Variants in PPTC7 observed in about 807,000 individuals in gnomAD.
The protein encoded by PPTC7 is protein phosphatase targeting COQ7, also known as protein phosphatase PTC7 homolog.
A neutral mutation model predicts 30.8 loss-of-function variants in PPTC7; 6 were observed. The ratio of observed to expected loss-of-function variants is 0.19; its 90% confidence interval spans 0.11 to 0.38. PPTC7 has a LOEUF of 0.38. PPTC7 is among the 10% of genes least tolerant of loss of function. The pLI is 1.00. For synonymous variants in PPTC7, 163 were observed against 168.1 expected (o/e 0.97, Z 0.23); for missense variants, 218 against 404.8 (o/e 0.54, Z 3.96).
intron 1 of PPTC7, among the ~76,000 whole-genome samples, chr12:110,561,446 TG>T (rs1299910422): frequency 6.6e-6 from 1 of 152,104 alleles, no homozygotes; most frequent in African/African-American, 2.4e-5. Flanking sequence ...CCCGAGTAGC[TG>T]GTATTACAGG....
intron 1 of PPTC7, among the ~76,000 whole-genome samples, chr12:110,562,737 G>T (rs1175239968): frequency 1.3e-5 from 2 of 151,874 alleles, no homozygotes; most frequent in African/African-American, 2.4e-5. Context: ...AGGTTGCAGT[G>T]AGCTGTGATT....
chr12:110,562,528 TC>T (rs1435667640), intron 1 of PPTC7, among the ~76,000 whole-genome samples: 1 of 152,082 alleles, frequency 6.6e-6, no homozygotes, highest in African/African-American at 2.4e-5. Flanking sequence ...GTGCAGTGGC[TC>T]ACACCTATAA....
At position 110,551,946 on chromosome 12, in the gene PPTC7, G is replaced by A; in HGVS notation, c.246C>T (p.Gly82=). ...ATGGATCAACTCCATAGTCTCTCCAGCCTCCTACACCATCTGCAACCCCTG... is the reference window on the plus strand; with the variant it reads ...ATGGATCAACTCCATAGTCTCTCCAACCTCCTACACCATCTGCAACCCCTG... ...DVLGVADGVG[G]WRDYGVDPSQ... The change falls in exon 2 of 6, where the codon GGC becomes GGT. Residue 82 remains glycine, a synonymous_variant. Transcript: ENST00000354300. 6.2e-7 allele frequency: 1 copy of A among 1,613,942 alleles called. No individual in the cohort carries two copies. The highest frequency in any genetic ancestry group is 1.3e-5 in the African/African-American group (1 of 75,002).
chr12:110,559,308 G>A (rs955228399), intron 1 of PPTC7, among the ~76,000 whole-genome samples: 1 of 151,980 alleles, frequency 6.6e-6, no homozygotes, highest in African/African-American at 2.4e-5. Context: ...GGGATTACAA[G>A]CACAAATCAC....
At chr12:110,553,440 G>A (rs919226328) in intron 1 of PPTC7, among the ~76,000 whole-genome samples, 4 of 151,704 alleles carry the variant, frequency 2.6e-5, no homozygotes, top group East Asian at 2.0e-4. Context: ...CACTGCGCCC[G>A]GCCCCCAAAA....
intron 1 of PPTC7, among the ~76,000 whole-genome samples, chr12:110,556,429 C>A (rs2064387716): frequency 6.6e-6 from 1 of 152,136 alleles, no homozygotes; most frequent in African/African-American, 2.4e-5. Flanking sequence ...ACATATGAAA[C>A]CTAATTTTAT....
intron 5 of PPTC7, 26 bp from the exon 6 acceptor site, chr12:110,537,121 G>C: frequency 6.4e-7 from 1 of 1,558,160 alleles, no homozygotes; most frequent in South Asian, 1.1e-5. Flanking sequence ...GAACCTATCA[G>C]TATATTTTAA....
chr12:110,578,506 T>C (rs1193655631), intron 1 of PPTC7, among the ~76,000 whole-genome samples: 1 of 152,202 alleles, frequency 6.6e-6, no homozygotes, highest in Non-Finnish European at 1.5e-5. Flanking sequence ...GTGGGGACTA[T>C]ACAAAATGTT....
chr12:110,559,730 GAAAAAAAAA>G (rs770672237), intron 1 of PPTC7, among the ~76,000 whole-genome samples: 2 of 89,684 alleles, frequency 2.2e-5, no homozygotes, highest in Non-Finnish European at 4.6e-5. Flanking sequence ...AGCCTCAGGG[GAAAAAAAAA>G]AAAAAAAAAA....
chr12:110,559,411 A>AT (rs1478341532), intron 1 of PPTC7, among the ~76,000 whole-genome samples: 2 of 149,632 alleles, frequency 1.3e-5, no homozygotes, highest in Non-Finnish European at 3.0e-5. Flanking sequence ...AGAAGAAAAA[A>AT]ATTTTTTTTT....
chr12:110,551,439 G>A (rs1223344008), intron 2 of PPTC7, among the ~76,000 whole-genome samples: 5 of 152,060 alleles, frequency 3.3e-5, no homozygotes, highest in Admixed American at 6.5e-5. Flanking sequence ...TCCACCTCCC[G>A]GGGTTCAAGT....
chr12:110,564,956 C>T (rs2064470536), intron 1 of PPTC7, among the ~76,000 whole-genome samples: 1 of 149,978 alleles, frequency 6.7e-6, no homozygotes, highest in Admixed American at 6.6e-5. Context: ...CTCACTGCAA[C>T]CTCCACCTCC....
intron 4 of PPTC7, among the ~76,000 whole-genome samples, chr12:110,539,159 T>C (rs2064238654): frequency 6.6e-6 from 1 of 152,162 alleles, no homozygotes. Context: ...TGCAACCCTA[T>C]AAAAGAGGAT....
At chr12:110,566,033 A>G (rs951244036) in intron 1 of PPTC7, among the ~76,000 whole-genome samples, 3 of 152,186 alleles carry the variant, frequency 2.0e-5, no homozygotes, top group African/African-American at 7.2e-5. Context: ...AATAAAGTAC[A>G]AGTCATAGCA....
chr12:110,567,320 T>C (rs534750913), intron 1 of PPTC7, among the ~76,000 whole-genome samples: 1 of 152,338 alleles, frequency 6.6e-6, no homozygotes, highest in African/African-American at 2.4e-5. Flanking sequence ...CAGGCGATTC[T>C]AATGAGAATC....
chr12:110,582,214 A>T (rs2064643225), intron 1 of PPTC7, among the ~76,000 whole-genome samples: 1 of 152,244 alleles, frequency 6.6e-6, no homozygotes, highest in African/African-American at 2.4e-5. Flanking sequence ...GACAAGATCA[A>T]TTTGGGAGAA....
intron 1 of PPTC7, among the ~76,000 whole-genome samples, chr12:110,558,796 C>T (rs1159830030): frequency 2.0e-5 from 3 of 152,034 alleles, no homozygotes; most frequent in African/African-American, 7.2e-5. Context: ...TTAGTAGAGA[C>T]GGGGTTTCAC....
rs1475295769 is a variant in PPTC7 at position 110,535,384 on chromosome 12, T to G, written c.*1653A>C. On this transcript the variant is annotated 3_prime_UTR_variant, in exon 6 of 6. Coordinates refer to ENST00000354300, the MANE Select transcript of PPTC7 (RefSeq NM_139283.2). ...TCATTCTTATTATAAATGAAATGCC[T>G]GTTACAAGCATGATGCATTGAAATA... The G allele has an allele frequency of 6.6e-6, 1 of 152,662 alleles. No individual in the cohort carries two copies. The highest frequency in any genetic ancestry group is 2.4e-5 in the African/African-American group (1 of 41,462). 9.5% of individuals were successfully genotyped at this position (152,662 alleles called of 1,614,324 possible). A position where few individuals can be genotyped will look rare whatever the true frequency, so the allele number is the denominator to read the frequency against.
chr12:110,568,451 A>C (rs1044376153), intron 1 of PPTC7, among the ~76,000 whole-genome samples: 9 of 151,848 alleles, frequency 5.9e-5, no homozygotes, highest in Non-Finnish European at 8.8e-5. Flanking sequence ...ATGGGGTTTC[A>C]CCATGTTAGC....
Sources: gnomAD v4.1 joint callset for allele counts (sites outside exome capture counted in the v4.1 genomes callset) on GRCh38, gnomAD v4.1.1 for gene constraint, MANE v1.5 for transcripts, NCBI Gene and HGNC (gene_info 2026-07-23, HGNC 2026-07-21) for gene names.